Variants in IQCK observed in about 807,000 individuals in gnomAD.
The protein encoded by IQCK is IQ domain-containing protein K.
In IQCK, 29 loss-of-function variants were observed where a neutral mutation model predicts 28.1. The observed-to-expected ratio is 1.03, with a 90% confidence interval of 0.77 to 1.41. IQCK has a LOEUF of 1.41. Among genes scored for constraint, IQCK ranks in the 40% most tolerant of loss-of-function variants. IQCK has a pLI of 0.00. For synonymous variants in IQCK, 113 were observed against 115.1 expected (o/e 0.98, Z 0.12); for missense variants, 359 against 314.7 (o/e 1.14, Z -1.07).
chr16:19,831,883 G>A (rs2056237158), downstream of IQCK, among the ~76,000 whole-genome samples: 2 of 152,096 alleles, frequency 1.3e-5, no homozygotes, highest in African/African-American at 2.4e-5. Context: ...ATTACAGTGA[G>A]TCAGAGACTG....
intron 6 of IQCK, among the ~76,000 whole-genome samples, chr16:19,769,902 G>T (rs928284111): frequency 2.0e-5 from 3 of 152,086 alleles, no homozygotes; most frequent in African/African-American, 7.2e-5. Context: ...GGATGACCCA[G>T]GATAAATTTA....
intron 9 of IQCK, among the ~76,000 whole-genome samples, chr16:19,856,151 T>G (rs2056557481): frequency 6.6e-6 from 1 of 152,262 alleles, no homozygotes; most frequent in South Asian, 2.1e-4. Flanking sequence ...CAGATGGGGT[T>G]GAGCGGAGAG....
intron 6 of IQCK, among the ~76,000 whole-genome samples, chr16:19,764,547 C>T (rs1437828918): frequency 6.6e-6 from 1 of 151,992 alleles, no homozygotes; most frequent in East Asian, 1.9e-4. Flanking sequence ...ACTATTTGAC[C>T]ATTCTAATAT....
chr16:19,733,259 T>C (rs895049726), intron 2 of IQCK, among the ~76,000 whole-genome samples: 1 of 152,112 alleles, frequency 6.6e-6, no homozygotes, highest in African/African-American at 2.4e-5. Context: ...TGCCTCAGCC[T>C]TCCAAGTAGC....
At chr16:19,776,010 T>G (rs1439275793) in intron 6 of IQCK, among the ~76,000 whole-genome samples, 3 of 150,902 alleles carry the variant, frequency 2.0e-5, no homozygotes, top group Non-Finnish European at 4.4e-5. Context: ...GCCTCCCAAG[T>G]AGCTGGGCTA....
chr16:19,769,250 A>G (rs1348302302), intron 6 of IQCK, among the ~76,000 whole-genome samples: 1 of 152,220 alleles, frequency 6.6e-6, no homozygotes, highest in Non-Finnish European at 1.5e-5. Flanking sequence ...ACCAAGTGCC[A>G]CATTCGAGGT....
intron 4 of IQCK, among the ~76,000 whole-genome samples, chr16:19,745,919 G>T (rs1312936917): frequency 6.6e-6 from 1 of 152,276 alleles, no homozygotes; most frequent in Middle Eastern, 3.4e-3. Flanking sequence ...CCTTTACAGC[G>T]TGGTGGTCTC....
At position 19,774,763 on chromosome 16, in the gene IQCK, G is replaced by A. The variant is rs1465743510; in HGVS notation, c.605+10651G>A. Among the ~76,000 whole-genome samples the A allele has an allele frequency of 2.6e-5, 4 of 152,210 alleles. No individual in the cohort carries two copies. In the South Asian group the frequency reaches 6.2e-4, roughly 24 times the overall value. On this transcript the variant is annotated intron_variant, in intron 6 of 7. Coordinates refer to ENST00000564186, the Ensembl canonical transcript of IQCK. ...ATTTATGAAACACCTACTATGTGCCGTGGAAACATGACATGTAGAAACGAC... is the reference window on the plus strand; with the variant it reads ...ATTTATGAAACACCTACTATGTGCCATGGAAACATGACATGTAGAAACGAC...
Position 19,845,055 on chromosome 16 carries a change from C to T in IQCK, c.803-11432C>T, listed in dbSNP as rs186598739. 1.1e-3 allele frequency among the ~76,000 whole-genome samples: 171 copies of T among 152,094 alleles called. 1 individual carries two copies. The Middle Eastern group carries it at 0.014, about 12-fold the overall frequency. ...CTGGGCTCAAGAGATCAGCCCGCCT[C>T]GGCCTCCCAAAGTGCTGGGATTACA... On this transcript the variant is annotated intron_variant, in intron 9 of 9. Coordinates refer to the IQCK transcript ENST00000320394.
At chr16:19,815,022 A>G (rs1206674787) in intron 7 of IQCK, among the ~76,000 whole-genome samples, 2 of 152,154 alleles carry the variant, frequency 1.3e-5, no homozygotes, top group Non-Finnish European at 2.9e-5. Context: ...CCTGTGCTCA[A>G]GTGATCCAGC....
chr16:19,845,024 G>C (rs1597609063), intron 9 of IQCK, among the ~76,000 whole-genome samples: 1 of 152,010 alleles, frequency 6.6e-6, no homozygotes, highest in Non-Finnish European at 1.5e-5. Context: ...GGCTGGTCTC[G>C]AACTCCTGGG....
At chr16:19,756,699 C>T (rs2055057125) in intron 4 of IQCK, among the ~76,000 whole-genome samples, 1 of 152,066 alleles carries the variant, frequency 6.6e-6, no homozygotes, top group Non-Finnish European at 1.5e-5. Flanking sequence ...AGGTCAGGAC[C>T]ATCCTGGCTA....
chr16:19,828,906 T>A (rs1240643188), downstream of IQCK, among the ~76,000 whole-genome samples: 2 of 141,408 alleles, frequency 1.4e-5, no homozygotes, highest in Non-Finnish European at 3.1e-5. Context: ...ATATATATTT[T>A]TATATATTTT....
At chr16:19,723,092 T>C (rs1977546112) in intron 1 of IQCK, among the ~76,000 whole-genome samples, 1 of 148,940 alleles carries the variant, frequency 6.7e-6, no homozygotes. Context: ...TCTCCCACCA[T>C]CCCCACCCTG....
At chr16:19,835,938 A>G (rs967441200) in intron 9 of IQCK, among the ~76,000 whole-genome samples, 35 of 152,190 alleles carry the variant, frequency 2.3e-4, no homozygotes, top group Non-Finnish European at 2.9e-5. Context: ...GCTGGGTCAA[A>G]GGACACCCAC....
intron 4 of IQCK, among the ~76,000 whole-genome samples, chr16:19,742,571 A>G (rs973872304): frequency 6.6e-6 from 1 of 152,226 alleles, no homozygotes; most frequent in Non-Finnish European, 1.5e-5. Context: ...CCAAAATTAC[A>G]TAACTGGGGC....
intron 9 of IQCK, among the ~76,000 whole-genome samples, chr16:19,835,266 G>A (rs528587281): frequency 2.0e-5 from 3 of 152,090 alleles, no homozygotes; most frequent in Non-Finnish European, 4.4e-5. Context: ...CTGGGTGACA[G>A]AGCAAGACTC....
At chr16:19,814,544 A>G (rs1279348632) in intron 7 of IQCK, among the ~76,000 whole-genome samples, 1 of 152,150 alleles carries the variant, frequency 6.6e-6, no homozygotes, top group Non-Finnish European at 1.5e-5. Context: ...ACATAAATAC[A>G]AACATATCAC....
At chr16:19,775,503 C>T (rs999198100) in intron 6 of IQCK, among the ~76,000 whole-genome samples, 2 of 152,152 alleles carry the variant, frequency 1.3e-5, no homozygotes, top group Non-Finnish European at 1.5e-5. Context: ...CCTAATTTAA[C>T]TTACATCGCA....
Sources: gnomAD v4.1 joint callset for allele counts (sites outside exome capture counted in the v4.1 genomes callset) on GRCh38, gnomAD v4.1.1 for gene constraint, MANE v1.5 for transcripts, NCBI Gene and HGNC (gene_info 2026-07-23, HGNC 2026-07-21) for gene names.